The following TCF7L1 variants were observed in gnomAD, a reference collection of about 807,000 sequenced individuals.
TCF7L1 encodes transcription factor 7-like 1.
Under a neutral mutation model 63.7 loss-of-function variants are expected in TCF7L1, and 18 were observed. The ratio of observed to expected loss-of-function variants is 0.28; its 90% CI spans 0.20 to 0.42. TCF7L1 has a LOEUF of 0.42. Among genes scored for constraint, TCF7L1 ranks in the 10% least tolerant of loss-of-function variants. The probability of loss-of-function intolerance (pLI) is 1.00; values close to 1 mark genes in which losing one functional copy is unlikely to be tolerated. For missense variants in TCF7L1, 654 were observed against 779.3 expected (o/e 0.84, Z 1.91); for synonymous variants, 355 against 340.9 (o/e 1.04, Z -0.46).
At chr2:85,208,051 C>T (rs751755366) in intron 3 of TCF7L1, among the ~76,000 whole-genome samples, 61 of 152,002 alleles carry the variant, frequency 4.0e-4, no homozygotes, top group Non-Finnish European at 7.1e-4. Context: ...GGACTACAGG[C>T]GCCCGCCACC....
chr2:85,165,473 G>A (rs915727656), intron 3 of TCF7L1, among the ~76,000 whole-genome samples: 2 of 152,204 alleles, frequency 1.3e-5, no homozygotes, highest in Non-Finnish European at 2.9e-5. Flanking sequence ...GGAGCTGCAG[G>A]CAAAATAAAT....
At chr2:85,158,727 C>T (rs1216082134) in intron 3 of TCF7L1, among the ~76,000 whole-genome samples, 1 of 152,222 alleles carries the variant, frequency 6.6e-6, no homozygotes, top group African/African-American at 2.4e-5. Flanking sequence ...TTATGCCTCT[C>T]TGTAAGTGGA....
At chr2:85,290,491 T>A (rs1455646963) in intron 4 of TCF7L1, among the ~76,000 whole-genome samples, 2 of 152,234 alleles carry the variant, frequency 1.3e-5, no homozygotes, top group Admixed American at 1.3e-4. Context: ...ATTTTTAAGA[T>A]ATAATTTACA....
chr2:85,294,687 C>T (rs905991354), intron 4 of TCF7L1, among the ~76,000 whole-genome samples: 10 of 152,226 alleles, frequency 6.6e-5, no homozygotes, highest in South Asian at 2.1e-4. Context: ...AGAAACCTGA[C>T]GCTGCTTAAC....
intron 3 of TCF7L1, among the ~76,000 whole-genome samples, chr2:85,237,469 A>G (rs542964391): frequency 6.6e-6 from 1 of 152,118 alleles, no homozygotes; most frequent in East Asian, 1.9e-4. Flanking sequence ...TTCCTGGGCT[A>G]CAGGAAGGCT....
intron 4 of TCF7L1, among the ~76,000 whole-genome samples, chr2:85,299,686 G>A (rs959227300): frequency 6.6e-6 from 1 of 151,894 alleles, no homozygotes; most frequent in Non-Finnish European, 1.5e-5. Context: ...GGGCAACATG[G>A]TGAAACCGCG....
Position 85,202,095 on chromosome 2 carries a change from T to C in TCF7L1, c.441+67645T>C, listed in dbSNP as rs376932249. The stretch of plus-strand genomic sequence containing the variant: ...CTCCTGCCTTAGCCTTCTGAGTAGC[T>C]GGGACTACAGGCACATGTCACCATG... On this transcript the variant is annotated intron_variant, in intron 3 of 11. Transcript: ENST00000282111. Among the ~76,000 whole-genome samples the C allele has an allele frequency of 2.5e-4, 38 of 152,236 alleles. No homozygotes were observed. The East Asian group carries it at 6.9e-3, about 28-fold the overall frequency.
At chr2:85,258,806 CCT>C (rs1680784583) in intron 3 of TCF7L1, among the ~76,000 whole-genome samples, 1 of 152,176 alleles carries the variant, frequency 6.6e-6, no homozygotes, top group Non-Finnish European at 1.5e-5. Context: ...ATCACTGACC[CCT>C]GAGACTTAAG....
chr2:85,305,092 T>C (rs867437788), intron 7 of TCF7L1, among the ~76,000 whole-genome samples, 168 bp from the exon 8 acceptor site: 1 of 152,060 alleles, frequency 6.6e-6, no homozygotes, highest in East Asian at 1.9e-4. Context: ...CCATTAAGCA[T>C]CTCCCAAACC....
intron 3 of TCF7L1, among the ~76,000 whole-genome samples, chr2:85,145,048 A>C (rs1299326116): frequency 6.6e-6 from 1 of 151,722 alleles, no homozygotes; most frequent in Admixed American, 6.6e-5. Flanking sequence ...CTGGGCAAAA[A>C]AGCGAGACTT....
chr2:85,277,753 C>A (rs892340733), intron 3 of TCF7L1, among the ~76,000 whole-genome samples: 5 of 152,180 alleles, frequency 3.3e-5, no homozygotes, highest in Non-Finnish European at 7.3e-5. Flanking sequence ...GTTTTCCTTG[C>A]ATGCAACTGT....
intron 3 of TCF7L1, among the ~76,000 whole-genome samples, chr2:85,188,041 A>C (rs889850521): frequency 1.3e-5 from 2 of 152,232 alleles, no homozygotes; most frequent in African/African-American, 4.8e-5. Context: ...CAAAGGTTAT[A>C]TACTGCATTT....
chr2:85,154,107 A>G (rs907287213), intron 3 of TCF7L1, among the ~76,000 whole-genome samples: 3 of 152,206 alleles, frequency 2.0e-5, no homozygotes, highest in African/African-American at 7.2e-5. Flanking sequence ...GAGTTAGAAC[A>G]TTGAATCTGG....
chr2:85,157,050 G>T (rs770210876), intron 3 of TCF7L1, among the ~76,000 whole-genome samples: 1 of 152,140 alleles, frequency 6.6e-6, no homozygotes, highest in Non-Finnish European at 1.5e-5. Context: ...CCGAGGCTGA[G>T]AATCCCTGGT....
chr2:85,158,877 A>G (rs1374262355), intron 3 of TCF7L1, among the ~76,000 whole-genome samples: 1 of 152,230 alleles, frequency 6.6e-6, no homozygotes, highest in African/African-American at 2.4e-5. Flanking sequence ...GGACCCAGCC[A>G]CACTTTCTGT....
intron 3 of TCF7L1, among the ~76,000 whole-genome samples, chr2:85,169,848 A>G (rs1263302991): frequency 1.3e-5 from 2 of 152,174 alleles, no homozygotes; most frequent in Non-Finnish European, 2.9e-5. Flanking sequence ...TTATAATTAC[A>G]GTAGTCATTA....
chr2:85,278,412 A>G (rs1351221064), intron 3 of TCF7L1, among the ~76,000 whole-genome samples: 1 of 152,256 alleles, frequency 6.6e-6, no homozygotes, highest in African/African-American at 2.4e-5. Flanking sequence ...AAAGTCAAAA[A>G]TTTAAAACAT....
intron 3 of TCF7L1, among the ~76,000 whole-genome samples, chr2:85,139,905 G>A (rs1677682833): frequency 1.3e-5 from 2 of 152,222 alleles, no homozygotes; most frequent in Admixed American, 1.3e-4. Context: ...GTTAGGCTGG[G>A]AAGTGATGTG....
At chr2:85,184,719 G>A (rs1234379687) in intron 3 of TCF7L1, among the ~76,000 whole-genome samples, 5 of 152,174 alleles carry the variant, frequency 3.3e-5, no homozygotes, top group African/African-American at 1.2e-4. Flanking sequence ...GGATGCTGCT[G>A]TGCTTAGACT....
Sources: gnomAD v4.1 joint callset for allele counts (sites outside exome capture counted in the v4.1 genomes callset) on GRCh38, gnomAD v4.1.1 for gene constraint, MANE v1.5 for transcripts, NCBI Gene and HGNC (gene_info 2026-07-23, HGNC 2026-07-21) for gene names.